Variants in SLC12A2 observed in about 807,000 individuals in gnomAD.
The protein encoded by SLC12A2 is Na-K-2Cl cotransporter 1.
Under a neutral mutation model 136.3 loss-of-function variants are expected in SLC12A2, and 67 were observed. The ratio of observed to expected loss-of-function variants is 0.49; its 90% CI spans 0.40 to 0.60. The LOEUF is 0.60. Ranked by LOEUF, SLC12A2 falls within the 20% of genes least tolerant of loss-of-function variation. The pLI, the probability that SLC12A2 is intolerant of heterozygous loss-of-function variation, is 0.00. For synonymous variants in SLC12A2, 619 were observed against 562.9 expected (o/e 1.10, Z -1.41); for missense variants, 1,322 against 1,534.7 (o/e 0.86, Z 2.32).
chr5:128,114,910 A>T (rs1311265586), intron 4 of SLC12A2, among the ~76,000 whole-genome samples: 3 of 152,266 alleles, frequency 2.0e-5, no homozygotes, highest in Non-Finnish European at 2.9e-5. Flanking sequence ...GCAAGAATGG[A>T]GCATCTACTT....
At chr5:128,086,595 T>C (rs1478082840) in intron 1 of SLC12A2, among the ~76,000 whole-genome samples, 2 of 152,220 alleles carry the variant, frequency 1.3e-5, no homozygotes, top group Non-Finnish European at 2.9e-5. Flanking sequence ...AAATATTATG[T>C]TCAGTTTCAT....
At chr5:128,112,407 T>A (rs1761183528) in intron 1 of SLC12A2, among the ~76,000 whole-genome samples, 1 of 152,136 alleles carries the variant, frequency 6.6e-6, no homozygotes, top group Non-Finnish European at 1.5e-5. Flanking sequence ...GAGTTTTAAG[T>A]TGTTAATGTT....
At chr5:128,177,300 TA>T in intron 21 of SLC12A2, 148 bp downstream of exon 21, 1 of 534,500 alleles carries the variant, frequency 1.9e-6, no homozygotes, top group Non-Finnish European at 3.3e-6. Flanking sequence ...GAAAAATTAT[TA>T]TTAGTCTAAC....
intron 10 of SLC12A2, 51 bp downstream of exon 10, chr5:128,142,032 A>T: frequency 6.9e-7 from 1 of 1,450,578 alleles, no homozygotes. Context: ...TCTAGGGGTG[A>T]GACTACTATC....
chr5:128,187,593 G>T lies in SLC12A2; in HGVS notation c.*962G>T, dbSNP rs778250378. ...TATTTAAGTGGAATTTCAGTATACT[G>T]TACTATCCTTTATAAGTCATTAAAA... On this transcript the variant is annotated 3_prime_UTR_variant, in exon 27 of 27. Coordinates refer to ENST00000262461, the MANE Select transcript of SLC12A2 (RefSeq NM_001046.3). The T allele has an allele frequency of 6.6e-6, 1 of 152,346 alleles. No individual in the cohort carries two copies. Among genetic ancestry groups the T allele is most frequent in the Non-Finnish European group, 1.5e-5 (1 of 67,986 alleles). 9.4% of individuals were successfully genotyped at this position (152,346 alleles called of 1,614,324 possible).
chr5:128,119,153 A>G (rs1307033326), intron 4 of SLC12A2, among the ~76,000 whole-genome samples: 1 of 152,204 alleles, frequency 6.6e-6, no homozygotes, highest in Non-Finnish European at 1.5e-5. Flanking sequence ...AGGGCTACTT[A>G]GAGAGGACGG....
At position 128,104,664 on chromosome 5, in the gene SLC12A2, TATATAGATATATAG is replaced by T. The variant is rs1372692581; in HGVS notation, c.757-8138_757-8125del. On this transcript the variant is annotated intron_variant, in intron 1 of 26. Transcript: ENST00000262461. ...AGAAAAAAAAATATATATATATAGA[TATATAGATATATAG>T]ATATAGATATAGATATATAATAGGT... 6.7e-3 allele frequency among the ~76,000 whole-genome samples: 870 copies of T among 129,946 alleles called. 2 individuals are homozygous for T. The highest frequency in any genetic ancestry group is 0.016 in the African/African-American group (468 of 29,160). 85.2% of individuals were successfully genotyped at this position (129,946 alleles called of 152,430 possible). A position where few individuals can be genotyped will look rare whatever the true frequency, so the allele number is the denominator to read the frequency against.
At chr5:128,096,918 C>A (rs1031958614) in intron 1 of SLC12A2, among the ~76,000 whole-genome samples, 1 of 151,998 alleles carries the variant, frequency 6.6e-6, no homozygotes, top group Non-Finnish European at 1.5e-5. Flanking sequence ...CAGAAAATAG[C>A]AGTCTGTAAT....
At chr5:128,156,427 C>G (rs1762872517) in intron 15 of SLC12A2, among the ~76,000 whole-genome samples, 1 of 152,156 alleles carries the variant, frequency 6.6e-6, no homozygotes, top group Non-Finnish European at 1.5e-5. Flanking sequence ...TAGATGTGCA[C>G]TCTGCTGCTG....
rs752608172 is a variant in SLC12A2, at chr5:128,182,876, G to A, written c.3234G>A (p.Lys1078=). Reference sequence around the variant, plus strand: ...GTAGGATGGCTACTTTGCTTAGCAAGTTCCGGATAGACTTTTCTGATATCA... The same window carrying A: ...GTAGGATGGCTACTTTGCTTAGCAAATTCCGGATAGACTTTTCTGATATCA... ...DRRAMATLLS[K]FRIDFSDIMV... Residue 1078 remains lysine (K), a synonymous_variant, in exon 24 of 27, where the codon AAG becomes AAA. Transcript: ENST00000262461. 3 of 1,611,468 alleles carry A rather than the reference G, an allele frequency of 1.9e-6. No individual in the cohort carries two copies. In the East Asian group the frequency reaches 6.7e-5, roughly 36 times the overall value.
chr5:128,103,706 A>C (rs1760825887), intron 1 of SLC12A2, among the ~76,000 whole-genome samples: 1 of 152,262 alleles, frequency 6.6e-6, no homozygotes, highest in Non-Finnish European at 1.5e-5. Context: ...AGGATGAGAA[A>C]GAGCCAGCCA....
chr5:128,102,652 G>C (rs1242235809), intron 1 of SLC12A2, among the ~76,000 whole-genome samples: 12 of 108,812 alleles, frequency 1.1e-4, no homozygotes, highest in Non-Finnish European at 2.0e-4. Flanking sequence ...TCACTCTCTT[G>C]CCCAGGCTGG....
rs536348324 is a variant in SLC12A2 at position 128,152,026 on chromosome 5, C to T, written c.2263+630C>T. On this transcript the variant is annotated intron_variant, in intron 14 of 26. Coordinates refer to ENST00000262461, the MANE Select transcript of SLC12A2 (RefSeq NM_001046.3). ...GGTCCCGGTATTGAGCATTATAACC[C>T]GTGACACATGAAAGACCTGATGAGA... Among the ~76,000 whole-genome samples, 5 of 152,100 alleles carry T rather than the reference C, an allele frequency of 3.3e-5. No homozygotes were observed. The South Asian group carries it at 6.2e-4, about 19-fold the overall frequency.
chr5:128,127,054 G>A lies in SLC12A2; in HGVS notation c.1049-4013G>A, dbSNP rs1237891048. Among the ~76,000 whole-genome samples, 8 of 129,812 alleles carry A rather than the reference G, an allele frequency of 6.2e-5. No individual in the cohort carries two copies. In the South Asian group the frequency reaches 1.4e-3, roughly 23 times the overall value. 85.2% of individuals were successfully genotyped at this position (129,812 alleles called of 152,430 possible). ...GGTCAGAGATATTATCGTTTCTGTC[G>A]AATTTTACTTGCTAATAGTTTAACA... is the stretch of plus-strand genomic sequence containing the variant. On this transcript the variant is annotated intron_variant, in intron 4 of 26. Coordinates refer to ENST00000262461, the MANE Select transcript of SLC12A2 (RefSeq NM_001046.3).
At chr5:128,126,791 A>G (rs892712460) in intron 4 of SLC12A2, among the ~76,000 whole-genome samples, 8 of 151,422 alleles carry the variant, frequency 5.3e-5, no homozygotes, top group African/African-American at 1.9e-4. Context: ...TGTTAACTAT[A>G]AGGTTTTAAA....
rs1554105182 is a variant in SLC12A2, at chr5:128,126,964, A to AATTTT, written c.1049-4103_1049-4102insATTTT. Among the ~76,000 whole-genome samples, 34 of 21,684 alleles carry AATTTT rather than the reference A, an allele frequency of 1.6e-3. 3 individuals carry two copies. The highest frequency in any genetic ancestry group is 0.011 in the African/African-American group (34 of 3,180). 14.2% of individuals were successfully genotyped at this position (21,684 alleles called of 152,430 possible). A position where few individuals can be genotyped will look rare whatever the true frequency, so the allele number is the denominator to read the frequency against. On this transcript the variant is annotated intron_variant, in intron 4 of 26. Transcript: ENST00000262461. ...TACATATATATATATATATATATAT[A>AATTTT]TATTTTTTTTTTTTTTTTTTTTTGC...
At chr5:128,121,254 A>G (rs1761563972) in intron 4 of SLC12A2, among the ~76,000 whole-genome samples, 1 of 152,212 alleles carries the variant, frequency 6.6e-6, no homozygotes, top group African/African-American at 2.4e-5. Flanking sequence ...AAAATGTAGA[A>G]AATAAAACAT....
rs1159052011 is a variant in SLC12A2, at chr5:128,186,599, AATC to A, written c.3612_3614del (p.His1204del). The stretch of plus-strand genomic sequence containing the variant: ...ACCACCAATCCTCCTAGTTCGTGGG[AATC>A]ATCAGAGTGTCCTTACCTTCTATTC... On this transcript the variant is annotated inframe_deletion, in exon 27 of 27. Transcript: ENST00000262461. 6.2e-7 allele frequency: 1 copy of A among 1,613,984 alleles called. No homozygotes were observed. The highest frequency in any genetic ancestry group is 8.5e-7 in the Non-Finnish European group (1 of 1,179,946).
chr5:128,186,461 G>GTTT (rs11382084), intron 26 of SLC12A2, 35 bp from the exon 27 acceptor site: 1,001 of 1,318,834 alleles, frequency 7.6e-4, no homozygotes, highest in South Asian at 1.9e-3. Flanking sequence ...ATTGCTCAGG[G>GTTT]TTTTTTTTTT....
Sources: gnomAD v4.1 joint callset for allele counts (sites outside exome capture counted in the v4.1 genomes callset) on GRCh38, gnomAD v4.1.1 for gene constraint, MANE v1.5 for transcripts, NCBI Gene and HGNC (gene_info 2026-07-23, HGNC 2026-07-21) for gene names.